FAM169A: variants seen among roughly 807,000 people sequenced by gnomAD.
The protein encoded by FAM169A is family with sequence similarity 169 member A.
Under a neutral mutation model 75.7 loss-of-function variants are expected in FAM169A, and 24 were observed. That is an observed-to-expected ratio of 0.32 (90% confidence interval 0.23 to 0.45). The LOEUF (loss-of-function observed/expected upper bound fraction) is 0.45, where lower values mean the gene tolerates loss of function less well. Among genes scored for constraint, FAM169A ranks in the 20% least tolerant of loss-of-function variants. The pLI is 1.00. For synonymous variants in FAM169A, 271 were observed against 271.0 expected, an observed-to-expected ratio of 1.00 and a Z score of 0.00; for missense variants, 673 against 784.0, an observed-to-expected ratio of 0.86 and a Z score of 1.69.
intron 11 of FAM169A, among the ~76,000 whole-genome samples, chr5:74,794,193 G>C (rs1746132991): frequency 1.4e-5 from 2 of 143,204 alleles, no homozygotes; most frequent in East Asian, 2.2e-4. Flanking sequence ...AGGAGATCAA[G>C]ACCATCCTGG....
chr5:74,815,196 CTT>C (rs59570627), intron 5 of FAM169A, among the ~76,000 whole-genome samples: 1 of 147,466 alleles, frequency 6.8e-6, no homozygotes, highest in Admixed American at 6.7e-5. Flanking sequence ...TTTCTTTTTT[CTT>C]TTTTTTTTGA....
At chr5:74,866,144 G>C in intron 1 of FAM169A, 21 bp downstream of exon 1, 1 of 974,208 alleles carries the variant, frequency 1.0e-6, no homozygotes, top group Non-Finnish European at 1.2e-6. Context: ...GGTCCGCGCC[G>C]GGGAGAGGGA....
At chr5:74,797,073 C>G (rs189934156) in intron 10 of FAM169A, among the ~76,000 whole-genome samples, 17 of 152,178 alleles carry the variant, frequency 1.1e-4, no homozygotes, top group Non-Finnish European at 2.2e-4. Flanking sequence ...CTTTCTAATG[C>G]ACATCATCTA....
chr5:74,796,793 A>G (rs1746301839), intron 10 of FAM169A, among the ~76,000 whole-genome samples: 1 of 151,996 alleles, frequency 6.6e-6, no homozygotes, highest in Admixed American at 6.6e-5. Flanking sequence ...GTTTACCTGG[A>G]GCAGTCCCAG....
chr5:74,817,060 A>G (rs1747506637), intron 5 of FAM169A, among the ~76,000 whole-genome samples: 1 of 152,144 alleles, frequency 6.6e-6, no homozygotes. Flanking sequence ...TCAACCTAAT[A>G]CAGGGCATCT....
intron 10 of FAM169A, chr5:74,799,160 C>T (rs1296970540): frequency 6.6e-6 from 7 of 1,064,664 alleles, no homozygotes; most frequent in Admixed American, 1.7e-5. Flanking sequence ...GGACACATCA[C>T]AGATATTGAC....
chr5:74,792,824 T>C (rs1355715509), intron 11 of FAM169A, among the ~76,000 whole-genome samples: 1 of 152,136 alleles, frequency 6.6e-6, no homozygotes, highest in African/African-American at 2.4e-5. Flanking sequence ...GTACAACCAC[T>C]ATGGAAAACA....
chr5:74,860,451 C>T (rs1304638612), intron 1 of FAM169A, among the ~76,000 whole-genome samples: 1 of 152,136 alleles, frequency 6.6e-6, no homozygotes, highest in Non-Finnish European at 1.5e-5. Flanking sequence ...ATAAGATCTC[C>T]AATAACCCTC....
At chr5:74,801,519 GCA>G (rs149496756) in intron 9 of FAM169A, 69 bp downstream of exon 9, 19,417 of 851,538 alleles carry the variant, frequency 0.023, 1 homozygote, top group East Asian at 0.031. Context: ...ACACATGCAT[GCA>G]CACACACACA....
At chr5:74,866,705 C>G (rs1220217439), upstream of FAM169A, 33 of 973,646 alleles carry the variant, frequency 3.4e-5, no homozygotes, top group Non-Finnish European at 4.0e-5. Flanking sequence ...TGCGGTTAAG[C>G]CGCGGGGGCT....
At chr5:74,794,493 A>C (rs924407799) in intron 11 of FAM169A, among the ~76,000 whole-genome samples, 2 of 141,358 alleles carry the variant, frequency 1.4e-5, no homozygotes, top group African/African-American at 5.2e-5. Flanking sequence ...TTGGGAGGCC[A>C]AGAGGAGCAG....
chr5:74,849,311 AT>A (rs761691547), intron 1 of FAM169A, among the ~76,000 whole-genome samples: 1 of 152,042 alleles, frequency 6.6e-6, no homozygotes, highest in Non-Finnish European at 1.5e-5. Context: ...TATTATTGTG[AT>A]TTTTTCCCTA....
intron 9 of FAM169A, 83 bp from the exon 10 acceptor site, chr5:74,801,113 C>A: frequency 9.0e-7 from 1 of 1,108,208 alleles, no homozygotes; most frequent in South Asian, 2.4e-5. Flanking sequence ...AATGCAAGAA[C>A]TACACTAGTT....
chr5:74,823,624 A>G (rs1485768160), intron 5 of FAM169A, among the ~76,000 whole-genome samples: 2 of 152,136 alleles, frequency 1.3e-5, no homozygotes, highest in African/African-American at 4.8e-5. Context: ...ACTAAAGTCA[A>G]CTCTATCTCT....
intron 1 of FAM169A, among the ~76,000 whole-genome samples, chr5:74,842,359 T>TGCA (rs1748915050): frequency 1.6e-5 from 2 of 126,382 alleles, no homozygotes. Flanking sequence ...AGGCAGAGGT[T>TGCA]GCAGTGAGCC....
chr5:74,799,242 T>C, intron 10 of FAM169A: 1 of 1,454,188 alleles, frequency 6.9e-7, no homozygotes. Flanking sequence ...GTCAGAAAGA[T>C]GGTGTCTGGA....
chr5:74,865,379 C>T (rs568631566), intron 1 of FAM169A: 1 of 152,276 alleles, frequency 6.6e-6, no homozygotes, highest in East Asian at 1.9e-4. Flanking sequence ...AGGTGACCTG[C>T]ATCAGGTGGT....
At chr5:74,824,708 TACACACAC>T (rs60236324) in intron 5 of FAM169A, among the ~76,000 whole-genome samples, 23 of 147,410 alleles carry the variant, frequency 1.6e-4, no homozygotes, top group East Asian at 2.0e-4. Flanking sequence ...TACACACACA[TACACACAC>T]ACACACACAC....
intron 4 of FAM169A, among the ~76,000 whole-genome samples, chr5:74,835,943 G>A (rs1748552049): frequency 6.6e-6 from 1 of 152,158 alleles, no homozygotes; most frequent in African/African-American, 2.4e-5. Context: ...GAGCCATGAT[G>A]TTCCCCTAAA....
Sources: gnomAD v4.1 joint callset for allele counts (sites outside exome capture counted in the v4.1 genomes callset) on GRCh38, gnomAD v4.1.1 for gene constraint, MANE v1.5 for transcripts, NCBI Gene and HGNC (gene_info 2026-07-23, HGNC 2026-07-21) for gene names.